ADAMTSL3: variants seen among roughly 807,000 people sequenced by gnomAD.
ADAMTSL3 encodes ADAMTS like 3, also known as ADAMTS-like protein 3.
Under a neutral mutation model 201.7 loss-of-function variants are expected in ADAMTSL3, and 128 were observed. That is an observed-to-expected ratio of 0.63 (90% CI 0.55 to 0.73). ADAMTSL3 has a LOEUF of 0.73. Among genes scored for constraint, ADAMTSL3 ranks in the 30% least tolerant of loss-of-function variants. The probability of loss-of-function intolerance (pLI) is 0.00; values close to 1 mark genes in which losing one functional copy is unlikely to be tolerated. For missense variants in ADAMTSL3, 1,990 were observed against 2,119.6 expected, an observed-to-expected ratio of 0.94 and a Z score of 1.20; for synonymous variants, 738 against 748.4, an observed-to-expected ratio of 0.99 and a Z score of 0.23.
At chr15:83,802,205 C>T (rs1008312672) in intron 4 of ADAMTSL3, among the ~76,000 whole-genome samples, 3 of 151,966 alleles carry the variant, frequency 2.0e-5, no homozygotes, top group African/African-American at 4.8e-5. Flanking sequence ...AAAACTCATA[C>T]GTGAAAAATT....
chr15:83,693,132 C>A (rs1435512935), intron 2 of ADAMTSL3, among the ~76,000 whole-genome samples: 4 of 151,998 alleles, frequency 2.6e-5, no homozygotes, highest in African/African-American at 7.3e-5. Flanking sequence ...TGAGAATATA[C>A]ACAGATTTGT....
rs142840871 is a variant in ADAMTSL3 at position 83,905,141 on chromosome 15, C to T, written c.1700+5410C>T. ...AGTGGTGGACAGTGATTCTATGGCA[C>T]GTAAGACTAGAAAGAGCTGCAGTTT... On this transcript the variant is annotated intron_variant, in intron 15 of 29. Transcript: ENST00000286744. Among the ~76,000 whole-genome samples, 638 of 152,244 alleles carry T rather than the reference C, an allele frequency of 4.2e-3. 1 individual carries two copies. The highest frequency in any genetic ancestry group is 6.0e-3 in the Non-Finnish European group (405 of 68,026).
intron 7 of ADAMTSL3, among the ~76,000 whole-genome samples, chr15:83,842,939 A>C (rs1468567669): frequency 5.3e-5 from 8 of 152,214 alleles, no homozygotes; most frequent in Non-Finnish European, 8.8e-5. Flanking sequence ...AACTTGAGAT[A>C]ATTCTAATTG....
intron 5 of ADAMTSL3, among the ~76,000 whole-genome samples, chr15:83,812,734 T>C (rs916124885): frequency 5.9e-5 from 9 of 152,216 alleles, no homozygotes; most frequent in African/African-American, 2.2e-4. Context: ...GGTTGTTGTC[T>C]ATACGTGTTG....
At chr15:83,884,280 G>A (rs1056421423) in intron 9 of ADAMTSL3, among the ~76,000 whole-genome samples, 3 of 150,108 alleles carry the variant, frequency 2.0e-5, no homozygotes. Flanking sequence ...TGTGTATATT[G>A]TGGAATGGCT....
chr15:83,822,527 C>T (rs1219038308), intron 6 of ADAMTSL3, among the ~76,000 whole-genome samples: 9 of 139,788 alleles, frequency 6.4e-5, no homozygotes, highest in South Asian at 2.3e-4. Context: ...GGGTTGCGGC[C>T]GGGTAGAGGC....
At chr15:83,676,529 T>C (rs1327873727) in intron 2 of ADAMTSL3, among the ~76,000 whole-genome samples, 1 of 152,034 alleles carries the variant, frequency 6.6e-6, no homozygotes, top group African/African-American at 2.4e-5. Flanking sequence ...ATACAAAAAA[T>C]TAGCCGGGCT....
intron 17 of ADAMTSL3, among the ~76,000 whole-genome samples, chr15:83,935,784 A>G (rs182805461): frequency 6.2e-4 from 94 of 152,270 alleles, no homozygotes; most frequent in Admixed American, 6.1e-3. Flanking sequence ...AAATAGGGAT[A>G]TTTTCAGATT....
chr15:83,917,733 C>T (rs2066064302), intron 16 of ADAMTSL3, among the ~76,000 whole-genome samples: 1 of 152,110 alleles, frequency 6.6e-6, no homozygotes, highest in Non-Finnish European at 1.5e-5. Flanking sequence ...GACCTGACCC[C>T]TTTATGAACC....
At chr15:83,660,362 GA>G (rs2061145768) in intron 2 of ADAMTSL3, among the ~76,000 whole-genome samples, 1 of 152,176 alleles carries the variant, frequency 6.6e-6, no homozygotes, top group South Asian at 2.1e-4. Context: ...GAATCCTAAG[GA>G]AGGTAGTCCT....
intron 4 of ADAMTSL3, among the ~76,000 whole-genome samples, chr15:83,786,978 A>G (rs2063274310): frequency 1.3e-5 from 2 of 152,198 alleles, no homozygotes; most frequent in South Asian, 4.1e-4. Flanking sequence ...CCCAAATAGC[A>G]TTTATTGAAG....
At chr15:83,666,894 T>C (rs745648963) in intron 2 of ADAMTSL3, among the ~76,000 whole-genome samples, 38 of 151,892 alleles carry the variant, frequency 2.5e-4, no homozygotes, top group South Asian at 6.2e-4. Flanking sequence ...CATCTTCATA[T>C]GTATGCCCCA....
chr15:83,880,930 G>A (rs891668233), intron 9 of ADAMTSL3, among the ~76,000 whole-genome samples: 4 of 151,696 alleles, frequency 2.6e-5, no homozygotes, highest in South Asian at 2.1e-4. Context: ...CACTTTTTTG[G>A]GTTGTCATTA....
At position 83,885,206 on chromosome 15, in the gene ADAMTSL3, G is replaced by A. The variant is rs1325616847; in HGVS notation, c.1066G>A (p.Gly356Arg). 1 of 1,610,628 alleles carries A rather than the reference G, an allele frequency of 6.2e-7. No individual in the cohort carries two copies. The highest frequency in any genetic ancestry group is 8.5e-7 in the Non-Finnish European group (1 of 1,177,018). The change falls in exon 10 of 30, where the codon GGA (glycine) becomes AGA (arginine). Residue 356 changes from glycine (G) to arginine (R), a missense_variant. By Grantham distance (125) the Gly-to-Arg change is moderately radical. Transcript: ENST00000286744. ...TDFFPCTVTC[G>R]GGYQLNSAEC... ...CTTCTTTCCCTGCACTGTGACGTGTGGAGGAGGTGAGGCCCAGGCTTTGTT... is the reference window on the plus strand; with the variant it reads ...CTTCTTTCCCTGCACTGTGACGTGTAGAGGAGGTGAGGCCCAGGCTTTGTT...
chr15:83,810,842 G>A (rs1406422417), intron 5 of ADAMTSL3, among the ~76,000 whole-genome samples: 5 of 152,120 alleles, frequency 3.3e-5, no homozygotes, highest in African/African-American at 4.8e-5. Flanking sequence ...GGGTTCAAGC[G>A]ATTCTCCTGC....
chr15:83,960,251 TA>T (rs2066941445), intron 19 of ADAMTSL3, among the ~76,000 whole-genome samples: 2 of 151,978 alleles, frequency 1.3e-5, no homozygotes, highest in East Asian at 3.9e-4. Flanking sequence ...AAAAACCCAC[TA>T]AAAGAATGAA....
intron 3 of ADAMTSL3, among the ~76,000 whole-genome samples, chr15:83,705,564 T>C (rs1208383821): frequency 2.6e-5 from 4 of 152,192 alleles, no homozygotes; most frequent in Admixed American, 6.5e-5. Flanking sequence ...TGGCTGGAGC[T>C]AGGCAGAGTG....
intron 4 of ADAMTSL3, among the ~76,000 whole-genome samples, chr15:83,789,926 A>G (rs2141821803): frequency 6.6e-6 from 1 of 152,154 alleles, no homozygotes; most frequent in East Asian, 1.9e-4. Context: ...ACCACTTCTG[A>G]AGTCTTTTGT....
At chr15:83,971,557 T>TG (rs2067195229) in intron 20 of ADAMTSL3, among the ~76,000 whole-genome samples, 1 of 50,590 alleles carries the variant, frequency 2.0e-5, no homozygotes, top group African/African-American at 1.1e-4. Flanking sequence ...AGACTCTGTC[T>TG]CAAAAAAAAA....
Sources: gnomAD v4.1 joint callset for allele counts (sites outside exome capture counted in the v4.1 genomes callset) on GRCh38, gnomAD v4.1.1 for gene constraint, MANE v1.5 for transcripts, NCBI Gene and HGNC (gene_info 2026-07-23, HGNC 2026-07-21) for gene names.